Variants in DIAPH2 observed in about 807,000 individuals in gnomAD.
The protein encoded by DIAPH2 is diaphanous related formin 2.
In DIAPH2, 35 loss-of-function variants were observed where a neutral mutation model predicts 92.7. The ratio of observed to expected loss-of-function variants is 0.38; its 90% CI spans 0.29 to 0.50. The LOEUF (loss-of-function observed/expected upper bound fraction) is 0.50. DIAPH2 is among the 20% of genes least tolerant of loss of function. DIAPH2 has a pLI of 0.94. For synonymous variants in DIAPH2, 301 were observed against 280.4 expected (o/e 1.07, Z -0.73); for missense variants, 701 against 819.5 (o/e 0.86, Z 1.77).
intron 22 of DIAPH2, among the ~76,000 whole-genome samples, chrX:97,226,866 G>C (rs1343963725): frequency 2.7e-5 from 3 of 111,882 alleles, no homozygotes. Context: ...TACAGAAAAT[G>C]TTAATATTAA....
At chrX:97,455,504 C>T (rs73552493) in intron 26 of DIAPH2, among the ~76,000 whole-genome samples, 1,783 of 111,854 alleles carry the variant, frequency 0.016, 31 homozygotes, top group African/African-American at 0.055. Flanking sequence ...TATTTCCAAA[C>T]GATTGCAAAA....
At chrX:97,463,949 AT>A (rs966208547) in intron 26 of DIAPH2, among the ~76,000 whole-genome samples, 7 of 110,184 alleles carry the variant, frequency 6.4e-5, no homozygotes, top group African/African-American at 9.9e-5. Flanking sequence ...TGTTTTTCTA[AT>A]TTTTTTTATT....
chrX:97,529,071 A>AT (rs1243300299), intron 26 of DIAPH2: 1 of 110,098 alleles, frequency 9.1e-6, no homozygotes, highest in Non-Finnish European at 1.9e-5. Context: ...AAGACACTGT[A>AT]TCAAAAAAAA....
At chrX:97,245,447 A>AT (rs2068133742) in intron 22 of DIAPH2, among the ~76,000 whole-genome samples, 1 of 110,015 alleles carries the variant, frequency 9.1e-6, no homozygotes, top group South Asian at 3.9e-4. Flanking sequence ...TTTTTTTTAA[A>AT]TTTTTTGTAG....
In DIAPH2 at chrX:96,708,309, C is replaced by G. The variant is rs192419682; in HGVS notation, c.132+23119C>G. On this transcript the variant is annotated intron_variant, in intron 1 of 26. Coordinates refer to ENST00000324765, the MANE Select transcript of DIAPH2 (RefSeq NM_006729.5). ...CCAGGCTGGAGTGCAGTGGCGTGAT[C>G]TTGGCTCACTGCAACCTCCGCCTCC... 3.2e-4 allele frequency among the ~76,000 whole-genome samples: 30 copies of G among 95,051 alleles called. No homozygotes were observed. The East Asian group carries it at 9.4e-3, about 30-fold the overall frequency. The allele number at this position is 95,051 out of a possible 115,157, so 82.5% of individuals were successfully genotyped here. A position where few individuals can be genotyped will look rare whatever the true frequency, so the allele number is the denominator to read the frequency against.
At chrX:97,131,944 ATTC>A (rs2067140923) in intron 21 of DIAPH2, among the ~76,000 whole-genome samples, 1 of 111,486 alleles carries the variant, frequency 9.0e-6, no homozygotes, top group Admixed American at 9.6e-5. Context: ...CATGCAGGTC[ATTC>A]TCCTTGGATA....
chrX:97,089,399 A>T (rs1408591486), intron 19 of DIAPH2, among the ~76,000 whole-genome samples: 2 of 111,556 alleles, frequency 1.8e-5, no homozygotes, highest in African/African-American at 3.3e-5. Context: ...CTTTCAGAGG[A>T]TGAGTAACTA....
intron 4 of DIAPH2, among the ~76,000 whole-genome samples, chrX:96,822,434 T>C (rs1471616351): frequency 8.9e-6 from 1 of 111,970 alleles, no homozygotes; most frequent in Non-Finnish European, 1.9e-5. Flanking sequence ...GTGATTGCAT[T>C]AATTCAAAGG....
At position 97,599,311 on chromosome X, in the gene DIAPH2, T is replaced by C. The variant is rs778534594; in HGVS notation, c.3300T>C (p.Ser1100=). ...CTCGCCACAATGGAGCTATCTCATCTAAGTGATTCCTGATGCCAAAGAATA... is the reference window on the plus strand; with the variant it reads ...CTCGCCACAATGGAGCTATCTCATCCAAGTGATTCCTGATGCCAAAGAATA... ...SRSRHNGAIS[S]K The change falls in exon 27 of 27, where the codon TCT becomes TCC. Residue 1100 remains serine, a synonymous_variant. Coordinates refer to ENST00000324765, the MANE Select transcript of DIAPH2 (RefSeq NM_006729.5). The C allele has an allele frequency of 8.5e-7, 1 of 1,176,494 alleles. No individual in the cohort carries two copies. The highest frequency in any genetic ancestry group is 1.8e-5 in the South Asian group (1 of 54,642).
At chrX:96,761,862 C>G (rs776158790) in intron 4 of DIAPH2, among the ~76,000 whole-genome samples, 8 of 110,839 alleles carry the variant, frequency 7.2e-5, no homozygotes, top group Non-Finnish European at 1.3e-4. Flanking sequence ...TTAATGGCAC[C>G]AAAGAGGCTT....
chrX:97,062,986 A>T (rs1430742507), intron 17 of DIAPH2, among the ~76,000 whole-genome samples: 5 of 103,789 alleles, frequency 4.8e-5, no homozygotes, highest in Admixed American at 4.2e-4. Flanking sequence ...GTGAGCTGAG[A>T]TCATGCCACT....
intron 17 of DIAPH2, among the ~76,000 whole-genome samples, chrX:97,066,623 A>G: frequency 8.9e-6 from 1 of 112,248 alleles, no homozygotes; most frequent in South Asian, 3.7e-4. Context: ...CTCTAAGACA[A>G]CTTTATTTGT....
intron 25 of DIAPH2, among the ~76,000 whole-genome samples, chrX:97,396,439 A>AGGCG (rs1426723246): frequency 1.1e-4 from 12 of 110,824 alleles, no homozygotes; most frequent in African/African-American, 3.3e-4. Context: ...TGGGAGGCTG[A>AGGCG]GGCGGGCAGA....
At chrX:96,728,577 A>C (rs1261430477) in intron 1 of DIAPH2, among the ~76,000 whole-genome samples, 2 of 112,090 alleles carry the variant, frequency 1.8e-5, no homozygotes, top group Non-Finnish European at 3.8e-5. Flanking sequence ...TTAAACTTCT[A>C]TGTGCCATAA....
At chrX:96,962,492 CACACAT>C (rs1184942011) in intron 16 of DIAPH2, among the ~76,000 whole-genome samples, 358 of 19,560 alleles carry the variant, frequency 0.018, 14 homozygotes, top group Non-Finnish European at 0.03. Flanking sequence ...CACACACACA[CACACAT>C]ATATATATAT....
chrX:97,381,553 A>G, intron 24 of DIAPH2, among the ~76,000 whole-genome samples: 1 of 111,808 alleles, frequency 8.9e-6, no homozygotes, highest in Non-Finnish European at 1.9e-5. Context: ...AAAAGTATTC[A>G]CAGTTTATCT....
chrX:96,883,898 A>G (rs889151625), intron 5 of DIAPH2: 1 of 128,532 alleles, frequency 7.8e-6, no homozygotes, highest in Admixed American at 8.4e-5. Context: ...TTAAGAAATA[A>G]AGAGGGGGGC....
At chrX:97,494,069 A>G (rs2070742127) in intron 26 of DIAPH2, among the ~76,000 whole-genome samples, 1 of 102,958 alleles carries the variant, frequency 9.7e-6, no homozygotes, top group Admixed American at 1.1e-4. Context: ...AAACATATTT[A>G]TATATATGTA....
At position 96,920,598 on chromosome X, in the gene DIAPH2, T is replaced by C. The variant is rs373744443; in HGVS notation, c.978+1981T>C. ...GAGCTGTAATTTGAACCCATGTCTT[T>C]GTGATGCCAGAATTTGAATACGGCA... On this transcript the variant is annotated intron_variant, in intron 9 of 26. Transcript: ENST00000324765. 2.2e-4 allele frequency among the ~76,000 whole-genome samples: 25 copies of C among 111,917 alleles called. No individual in the cohort carries two copies. In the East Asian group the frequency reaches 4.5e-3, roughly 20 times the overall value.
Sources: gnomAD v4.1 joint callset for allele counts (sites outside exome capture counted in the v4.1 genomes callset) on GRCh38, gnomAD v4.1.1 for gene constraint, MANE v1.5 for transcripts, NCBI Gene and HGNC (gene_info 2026-07-23, HGNC 2026-07-21) for gene names.